Variants in AOPEP observed in about 807,000 individuals in gnomAD.
AOPEP encodes aminopeptidase O.
A neutral mutation model predicts 98.1 loss-of-function variants in AOPEP; 77 were observed. The ratio of observed to expected loss-of-function variants is 0.78; its 90% CI spans 0.65 to 0.95. The LOEUF is 0.95. AOPEP is among the 40% of genes least tolerant of loss of function. The pLI is 0.00. For synonymous variants in AOPEP, 346 were observed against 365.3 expected (o/e 0.95, Z 0.60); for missense variants, 1,024 against 1,024.7 (o/e 1.00, Z 0.01).
rs1241690326 is a variant in AOPEP, at chr9:94,783,206, T to G, written c.965-9559T>G. On this transcript the variant is annotated intron_variant, in intron 3 of 16. Coordinates refer to ENST00000375315, the MANE Select transcript of AOPEP (RefSeq NM_001193329.3). The stretch of plus-strand genomic sequence containing the variant: ...CCCGTTAGCCAACAAGGAAAACCTA[T>G]AGAGGCGCTTGTGTTCAGCAGATGG... Among the ~76,000 whole-genome samples, 3 of 152,316 alleles carry G rather than the reference T, an allele frequency of 2.0e-5. No individual in the cohort carries two copies. The East Asian group carries it at 5.8e-4, about 29-fold the overall frequency.
At chr9:95,102,968 G>A in the AOPEP span, among the ~76,000 whole-genome samples, 29,948 of 152,214 alleles carry the variant, frequency 0.2, 3,085 homozygotes, top group Middle Eastern at 0.3. Context: ...GCCCAGGCAC[G>A]TGCCAGTGTG....
intron 7 of AOPEP, among the ~76,000 whole-genome samples, chr9:94,936,507 G>A (rs1212627673): frequency 2.0e-5 from 3 of 152,166 alleles, no homozygotes; most frequent in African/African-American, 7.2e-5. Flanking sequence ...TGCAGTCACT[G>A]AGCAGAAAAA....
the AOPEP span, among the ~76,000 whole-genome samples, chr9:95,136,129 ACCTATAATC>A: frequency 6.6e-6 from 1 of 152,164 alleles, no homozygotes; most frequent in Non-Finnish European, 1.5e-5. Context: ...AGTGGCTCAC[ACCTATAATC>A]CCAACACTTT....
rs555299955 is a variant in AOPEP at position 94,866,291 on chromosome 9, C to T, written c.1365-57695C>T. Among the ~76,000 whole-genome samples, 16 of 152,142 alleles carry T rather than the reference C, an allele frequency of 1.1e-4. No individual in the cohort carries two copies. In the South Asian group the frequency reaches 2.1e-3, roughly 20 times the overall value. ...TTATTTTGTGAAATGTGGGGCATGCCGGTTATGAAATGGGGACTCTGAAAT... is the reference window on the plus strand; with the variant it reads ...TTATTTTGTGAAATGTGGGGCATGCTGGTTATGAAATGGGGACTCTGAAAT... On this transcript the variant is annotated intron_variant, in intron 5 of 16. Transcript: ENST00000375315.
chr9:94,896,253 C>T (rs1194927148), intron 5 of AOPEP, among the ~76,000 whole-genome samples: 1 of 152,018 alleles, frequency 6.6e-6, no homozygotes, highest in Non-Finnish European at 1.5e-5. Context: ...AGAAGAGCTC[C>T]CATTTAGAAA....
At chr9:95,126,607 T>C in the AOPEP span, 2 of 1,611,830 alleles carry the variant, frequency 1.2e-6, no homozygotes, top group South Asian at 2.2e-5. Flanking sequence ...ACCATGAGAA[T>C]GTGAAATATC....
At chr9:95,105,477 G>C in the AOPEP span, among the ~76,000 whole-genome samples, 1 of 152,242 alleles carries the variant, frequency 6.6e-6, no homozygotes, top group Non-Finnish European at 1.5e-5. Flanking sequence ...CCCAGAGCCA[G>C]CATGCTGGTG....
Position 94,739,203 on chromosome 9 carries a change from G to A in AOPEP, c.-136+12452G>A, listed in dbSNP as rs547402406. Among the ~76,000 whole-genome samples, 8 of 152,268 alleles carry A rather than the reference G, an allele frequency of 5.3e-5. No homozygotes were observed. The South Asian group carries it at 1.0e-3, about 20-fold the overall frequency. On this transcript the variant is annotated intron_variant, in intron 1 of 16. Coordinates refer to ENST00000375315, the MANE Select transcript of AOPEP (RefSeq NM_001193329.3). The stretch of plus-strand genomic sequence containing the variant: ...TGTATTTCCCAAGGTTGGCTGCAGC[G>A]TGGCCGTACTTTCCTTAGCTCCCAA...
chr9:95,086,907 C>T lies in AOPEP; in HGVS notation c.*230C>T. The T allele has an allele frequency of 1.0e-6, 1 of 987,796 alleles. No individual in the cohort carries two copies. The highest frequency in any genetic ancestry group is 4.7e-5 in the South Asian group (1 of 21,362). The allele number at this position is 987,796 out of a possible 1,614,324, so 61.2% of individuals were successfully genotyped here. A position where few individuals can be genotyped will look rare whatever the true frequency, so the allele number is the denominator to read the frequency against. Reference sequence around the variant, plus strand: ...CTCCCTCCCTGGAGGCTGCCTCCTGCCCTGGATCTGGAGTGGAGCTGCTCT... The same window carrying T: ...CTCCCTCCCTGGAGGCTGCCTCCTGTCCTGGATCTGGAGTGGAGCTGCTCT... On this transcript the variant is annotated 3_prime_UTR_variant, in exon 17 of 17. Transcript: ENST00000375315.
At chr9:95,123,975 C>T in the AOPEP span, 5 of 357,694 alleles carry the variant, frequency 1.4e-5, no homozygotes, top group South Asian at 1.1e-4. Flanking sequence ...TGGTGACATG[C>T]ACCTGTGGTC....
Position 94,745,554 on chromosome 9 carries a change from C to T in AOPEP, c.-135-14095C>T, listed in dbSNP as rs536447699. Among the ~76,000 whole-genome samples the T allele has an allele frequency of 7.9e-5, 12 of 152,312 alleles. No homozygotes were observed. The East Asian group carries it at 1.9e-3, about 25-fold the overall frequency. On this transcript the variant is annotated intron_variant, in intron 1 of 16. Transcript: ENST00000375315. ...CCTCCCAAAGTGCTGGGATTACAGG[C>T]GTGAGCCACCGTGCCCGGCAATTGT...
In AOPEP at chr9:94,800,967, C is replaced by T. The variant is rs777304173; in HGVS notation, c.1329C>T (p.Ile443=). 1.4e-5 allele frequency: 23 copies of T among 1,614,096 alleles called. No homozygotes were observed. Among genetic ancestry groups the T allele is most frequent in the Non-Finnish European group, 1.7e-5 (20 of 1,180,042 alleles). The part of the protein sequence containing the change: ...AHPFSRLDVL[I]VPANFPSLGM... ...CGTTCTCTCGGCTGGATGTTCTCAT[C>T]GTCCCTGCCAACTTTCCAAGTCTGG... is the stretch of plus-strand genomic sequence containing the variant. Residue 443 remains isoleucine, a synonymous_variant, in exon 5 of 17, where the codon ATC becomes ATT. Coordinates refer to ENST00000375315, the MANE Select transcript of AOPEP (RefSeq NM_001193329.3).
intron 14 of AOPEP, among the ~76,000 whole-genome samples, chr9:95,069,356 A>T (rs1810689505): frequency 6.6e-6 from 1 of 152,246 alleles, no homozygotes; most frequent in African/African-American, 2.4e-5. Context: ...TGCCAGCAGT[A>T]AAAGTCCCTT....
intron 11 of AOPEP, among the ~76,000 whole-genome samples, chr9:94,999,617 G>C (rs1479741876): frequency 6.6e-6 from 1 of 152,062 alleles, no homozygotes; most frequent in Non-Finnish European, 1.5e-5. Flanking sequence ...AATGTTGATG[G>C]CTTCTTACCA....
At chr9:94,890,025 A>ATT (rs554356502) in intron 5 of AOPEP, among the ~76,000 whole-genome samples, 10 of 134,070 alleles carry the variant, frequency 7.5e-5, no homozygotes, top group South Asian at 2.3e-4. Flanking sequence ...GTATTACTTG[A>ATT]TTTTTTTTTT....
chr9:94,822,332 C>T (rs1318850321), intron 5 of AOPEP, among the ~76,000 whole-genome samples: 2 of 152,176 alleles, frequency 1.3e-5, no homozygotes, highest in African/African-American at 4.8e-5. Flanking sequence ...TAGACTTGTG[C>T]TTGTCTAGTC....
intron 5 of AOPEP, among the ~76,000 whole-genome samples, chr9:94,865,083 T>A (rs1196014711): frequency 2.0e-5 from 3 of 152,192 alleles, no homozygotes; most frequent in Non-Finnish European, 2.9e-5. Flanking sequence ...TGGTTTATCA[T>A]CTCCTAACTA....
chr9:95,129,872 T>C, the AOPEP span, among the ~76,000 whole-genome samples: 1 of 152,162 alleles, frequency 6.6e-6, no homozygotes, highest in African/African-American at 2.4e-5. Flanking sequence ...TAGACCCGAT[T>C]GTTCTGCTGG....
At chr9:95,099,261 A>G in the AOPEP span, 1 of 219,958 alleles carries the variant, frequency 4.5e-6, no homozygotes, top group Non-Finnish European at 9.1e-6. Context: ...ACTATCAGGG[A>G]GAGTCTACAA....
Sources: allele counts gnomAD v4.1 joint callset (sites outside exome capture counted in the v4.1 genomes callset), GRCh38; gene constraint gnomAD v4.1.1; transcripts MANE v1.5; gene names NCBI Gene and HGNC (gene_info 2026-07-23, HGNC 2026-07-21).